CSMD1: variants seen among roughly 807,000 people sequenced by gnomAD.
CSMD1 encodes the protein CUB and sushi domain-containing protein 1.
CSMD1 carries 213 observed loss-of-function variants against 417.5 expected under a neutral mutation model. The observed-to-expected ratio is 0.51, with a 90% confidence interval of 0.46 to 0.57. CSMD1 has a LOEUF of 0.57. Ranked by LOEUF, CSMD1 falls within the 20% of genes least tolerant of loss-of-function variation. CSMD1 has a pLI of 0.00. For missense variants in CSMD1, 6,923 were observed against 4,529.7 expected (o/e 1.53, Z -15.17); for synonymous variants, 2,862 against 1,736.8 (o/e 1.65, Z -16.11).
Position 3,999,146 on chromosome 8 carries a change from TCTTC to T in CSMD1, c.611-1040_611-1037del, listed in dbSNP as rs1464665123. Among the ~76,000 whole-genome samples, 26 of 152,012 alleles carry T rather than the reference TCTTC, an allele frequency of 1.7e-4. No individual in the cohort carries two copies. The South Asian group carries it at 5.2e-3, about 30-fold the overall frequency. On this transcript the variant is annotated intron_variant, in intron 4 of 69. Transcript: ENST00000635120. ...AAATTTCTTCCTTCCCTCCTTTCTT[TCTTC>T]CTTTTCTTTCTTCTTTTTCTTTCTT... is the stretch of plus-strand genomic sequence containing the variant.
chr8:3,897,233 T>G (rs935698836), intron 5 of CSMD1, among the ~76,000 whole-genome samples: 2 of 152,184 alleles, frequency 1.3e-5, no homozygotes, highest in Admixed American at 1.3e-4. Flanking sequence ...TGACACAGCC[T>G]ACCCTTTCTA....
In CSMD1 at chr8:3,115,211, T is replaced by C. The variant is rs565014931; in HGVS notation, c.6430+3188A>G. On this transcript the variant is annotated intron_variant, in intron 42 of 69. Transcript: ENST00000635120. ...AATTACAATCCCCCCCCCCCCTTTT[T>C]TTTTTTTGAGATGGAGTTTTGCTCT... Among the ~76,000 whole-genome samples, 896 of 138,786 alleles carry C rather than the reference T, an allele frequency of 6.5e-3. 12 individuals carry two copies. Among genetic ancestry groups the C allele is most frequent in the African/African-American group, 0.022 (844 of 39,062 alleles). 91.0% of individuals were successfully genotyped at this position (138,786 alleles called of 152,430 possible). A position where few individuals can be genotyped will look rare whatever the true frequency, so the allele number is the denominator to read the frequency against.
At chr8:4,634,725 G>T (rs895233597) in intron 2 of CSMD1, among the ~76,000 whole-genome samples, 1 of 152,122 alleles carries the variant, frequency 6.6e-6, no homozygotes, top group Non-Finnish European at 1.5e-5. Flanking sequence ...TCCCTTTCCC[G>T]ATTAATTAGA....
intron 28 of CSMD1, among the ~76,000 whole-genome samples, chr8:3,220,299 C>G (rs1040279335): frequency 2.6e-5 from 4 of 152,118 alleles, no homozygotes; most frequent in Non-Finnish European, 5.9e-5. Context: ...CTTTCTCTCA[C>G]TTTCTCCATT....
chr8:3,477,075 T>C (rs867248387), intron 11 of CSMD1, among the ~76,000 whole-genome samples: 4 of 152,322 alleles, frequency 2.6e-5, no homozygotes, highest in Admixed American at 6.5e-5. Context: ...TTTACAGTCA[T>C]AGATCTGTAC....
At chr8:4,710,496 C>T (rs566667294) in intron 1 of CSMD1, among the ~76,000 whole-genome samples, 13 of 148,214 alleles carry the variant, frequency 8.8e-5, no homozygotes, top group Non-Finnish European at 1.0e-4. Context: ...CTCTGTCTCT[C>T]TCAAATTACA....
At chr8:3,920,882 T>C (rs60906250) in intron 5 of CSMD1, among the ~76,000 whole-genome samples, 3,940 of 152,282 alleles carry the variant, frequency 0.026, 180 homozygotes, top group African/African-American at 0.089. Context: ...GCTAGTGTTT[T>C]GTTGAGAATT....
intron 23 of CSMD1, among the ~76,000 whole-genome samples, chr8:3,318,777 C>T (rs9644337): frequency 0.3 from 46,011 of 151,930 alleles, 8,046 homozygotes; most frequent in East Asian, 0.47. Flanking sequence ...AAGCCAGATC[C>T]GAGCACAGGG....
intron 3 of CSMD1, among the ~76,000 whole-genome samples, chr8:4,141,949 T>C (rs888029559): frequency 2.0e-5 from 3 of 151,108 alleles, no homozygotes; most frequent in Non-Finnish European, 4.4e-5. Context: ...AATAACATCA[T>C]GGTGTTAATT....
chr8:3,190,885 G>T (rs1796378118), intron 33 of CSMD1, among the ~76,000 whole-genome samples: 1 of 152,196 alleles, frequency 6.6e-6, no homozygotes, highest in Admixed American at 6.5e-5. Flanking sequence ...AATACCTTAT[G>T]ATTCTACTTC....
At chr8:3,526,497 A>G (rs1797759941) in intron 10 of CSMD1, among the ~76,000 whole-genome samples, 1 of 152,176 alleles carries the variant, frequency 6.6e-6, no homozygotes, top group Admixed American at 6.5e-5. Flanking sequence ...CTCTGGACCA[A>G]GCATCCTACA....
At chr8:4,459,423 G>A (rs948966884) in intron 2 of CSMD1, among the ~76,000 whole-genome samples, 2 of 152,146 alleles carry the variant, frequency 1.3e-5, no homozygotes, top group Non-Finnish European at 2.9e-5. Context: ...TCTGCCCCAC[G>A]TCTGAAGCAG....
At chr8:4,193,498 G>T (rs1353748775) in intron 3 of CSMD1, among the ~76,000 whole-genome samples, 5 of 152,058 alleles carry the variant, frequency 3.3e-5, no homozygotes, top group African/African-American at 1.2e-4. Context: ...GGTGACGATG[G>T]CTTCAGTCTT....
intron 7 of CSMD1, among the ~76,000 whole-genome samples, chr8:3,634,898 T>C (rs1292509628): frequency 1.3e-5 from 2 of 152,162 alleles, no homozygotes; most frequent in Non-Finnish European, 2.9e-5. Flanking sequence ...TGCTGGGCTA[T>C]AGGGTACAGC....
rs112872207 is a variant in CSMD1, at chr8:3,978,718, T to C, written c.818+19185A>G. 2.8e-3 allele frequency among the ~76,000 whole-genome samples: 427 copies of C among 152,266 alleles called. 2 individuals are homozygous for C. Among genetic ancestry groups the C allele is most frequent in the African/African-American group, 9.6e-3 (397 of 41,552 alleles). On this transcript the variant is annotated intron_variant, in intron 5 of 69. Coordinates refer to ENST00000635120, the MANE Select transcript of CSMD1 (RefSeq NM_033225.6). ...TTATCACTAATTGAGCACTCTGATATTGATGTAAAAAGACATATCCCCAGC... is the reference window on the plus strand; with the variant it reads ...TTATCACTAATTGAGCACTCTGATACTGATGTAAAAAGACATATCCCCAGC...
chr8:4,604,515 T>G (rs1800768596), intron 2 of CSMD1, among the ~76,000 whole-genome samples: 1 of 152,070 alleles, frequency 6.6e-6, no homozygotes, highest in Admixed American at 6.6e-5. Context: ...CTGACTTGAT[T>G]ATGATCAAAA....
At chr8:3,160,414 CA>C (rs1448537796) in intron 38 of CSMD1, among the ~76,000 whole-genome samples, 2 of 152,160 alleles carry the variant, frequency 1.3e-5, no homozygotes, top group Non-Finnish European at 2.9e-5. Flanking sequence ...TGAGCCACTG[CA>C]ACCGGCCTAG....
intron 8 of CSMD1, among the ~76,000 whole-genome samples, chr8:3,609,738 T>TA (rs74564741): frequency 9.3e-4 from 133 of 142,542 alleles, no homozygotes; most frequent in African/African-American, 2.7e-3. Context: ...TATAAGAATT[T>TA]AAAAAAAAAA....
chr8:4,296,723 G>T, intron 3 of CSMD1, among the ~76,000 whole-genome samples: 1 of 134,434 alleles, frequency 7.4e-6, no homozygotes. Flanking sequence ...TTTCTCCAGG[G>T]CTTACACTCT....
Sources: gnomAD v4.1 joint callset for allele counts (sites outside exome capture counted in the v4.1 genomes callset) on GRCh38, gnomAD v4.1.1 for gene constraint, MANE v1.5 for transcripts, NCBI Gene and HGNC (gene_info 2026-07-23, HGNC 2026-07-21) for gene names.